The following UVSSA variants were observed in gnomAD, a reference collection of about 807,000 sequenced individuals.
UVSSA encodes the protein UV-stimulated scaffold protein A.
In UVSSA, 72 loss-of-function variants were observed where a neutral mutation model predicts 73.9. The ratio of observed to expected loss-of-function variants is 0.97; its 90% CI spans 0.81 to 1.19. The LOEUF (loss-of-function observed/expected upper bound fraction) is 1.19. UVSSA is among the 50% of genes most tolerant of loss of function. The pLI is 0.00. For synonymous variants in UVSSA, 454 were observed against 391.3 expected (o/e 1.16, Z -1.89); for missense variants, 1,150 against 965.0 (o/e 1.19, Z -2.54).
rs371317943 is a variant in UVSSA, at chr4:1,366,299, T to C, written c.1177-21T>C. ...TACACAGGGTCTGGGGGTTGATTTGTATTGGGGTGTTTTTCCACAGACAGA... is the reference window on the plus strand; with the variant it reads ...TACACAGGGTCTGGGGGTTGATTTGCATTGGGGTGTTTTTCCACAGACAGA... On this transcript the variant is annotated intron_variant, in intron 7 of 13. Transcript: ENST00000389851. 2.0e-5 allele frequency: 32 copies of C among 1,584,070 alleles called. No homozygotes were observed. In the African/African-American group the frequency reaches 4.3e-4, roughly 21 times the overall value.
intron 8 of UVSSA, among the ~76,000 whole-genome samples, chr4:1,374,096 G>A (rs924457143): frequency 6.6e-6 from 1 of 152,226 alleles, no homozygotes; most frequent in African/African-American, 2.4e-5. Context: ...GCCGGGGCCA[G>A]GACGCCTTGC....
In UVSSA at chr4:1,349,461, G is replaced by C. The variant is rs1162926802; in HGVS notation, c.99-63G>C. 6.0e-5 allele frequency: 91 copies of C among 1,523,662 alleles called. 1 individual carries two copies. In the South Asian group the frequency reaches 8.7e-4, roughly 15 times the overall value. 94.4% of individuals were successfully genotyped at this position (1,523,662 alleles called of 1,614,324 possible). ...CGTGCGTGCGGCATCCATGCACGGA[G>C]AGTCTCCCCCCGCCCATCCTCTGCG... On this transcript the variant is annotated intron_variant, in intron 2 of 13. Coordinates refer to ENST00000389851, the MANE Select transcript of UVSSA (RefSeq NM_020894.4).
rs1189987123 is a variant in UVSSA, at chr4:1,360,680, G to C, written c.1176+5435G>C. On this transcript the variant is annotated intron_variant, in intron 7 of 13. Transcript: ENST00000389851. ...GCAGGGTCCTTTCCCGCCCCCGTGA[G>C]CCGAGTGTGTGTGTGACTCACCAGA... Among the ~76,000 whole-genome samples, 5 of 152,244 alleles carry C rather than the reference G, an allele frequency of 3.3e-5. No individual in the cohort carries two copies. In the East Asian group the frequency reaches 9.7e-4, roughly 29 times the overall value.
chr4:1,347,098 C>A (rs1434877156), upstream of UVSSA, among the ~76,000 whole-genome samples: 1 of 151,806 alleles, frequency 6.6e-6, no homozygotes, highest in Non-Finnish European at 1.5e-5. Context: ...GTGCAGTCGT[C>A]GCTGTGGTGA....
In UVSSA at chr4:1,380,969, G is replaced by T. The variant is rs1189449375; in HGVS notation, c.1842G>T (p.Leu614=). 1 of 1,612,530 alleles carries T rather than the reference G, an allele frequency of 6.2e-7. No homozygotes were observed. Among genetic ancestry groups the T allele is most frequent in the Admixed American group, 1.7e-5 (1 of 59,986 alleles). ...EDRAREQRRQ[L]QKQERPEWQD... ...GGGCTCGTGAGCAGCGGCGGCAGCT[G>T]CAGAAGCAGGAGCGCCCGGGTAGGT... Residue 614 remains leucine (L), a synonymous_variant, in exon 12 of 14, where the codon CTG becomes CTT. Transcript: ENST00000389851.
intron 8 of UVSSA, among the ~76,000 whole-genome samples, chr4:1,374,393 C>T (rs375940424): frequency 1.3e-5 from 2 of 152,224 alleles, no homozygotes; most frequent in Non-Finnish European, 2.9e-5. Context: ...CCGTCAGGGT[C>T]GGGGTGAGCC....
intron 7 of UVSSA, among the ~76,000 whole-genome samples, chr4:1,361,365 A>G (rs1577322955): frequency 6.6e-6 from 1 of 152,254 alleles, no homozygotes. Context: ...GGCCCACAGC[A>G]CTGTGTTTTG....
intron 10 of UVSSA, among the ~76,000 whole-genome samples, chr4:1,378,678 G>C (rs1719067899): frequency 6.6e-6 from 1 of 152,190 alleles, no homozygotes; most frequent in South Asian, 2.1e-4. Context: ...TTCTCACTGC[G>C]ATCCACGGGG....
intron 8 of UVSSA, among the ~76,000 whole-genome samples, chr4:1,371,018 C>T (rs1717962648): frequency 6.6e-6 from 1 of 152,206 alleles, no homozygotes; most frequent in African/African-American, 2.4e-5. Flanking sequence ...TCCTCATTCT[C>T]CTCCCAGCTC....
intron 7 of UVSSA, 76 bp from the exon 8 acceptor site, chr4:1,366,244 C>T: frequency 8.4e-7 from 1 of 1,183,496 alleles, no homozygotes; most frequent in Non-Finnish European, 1.2e-6. Context: ...TAGGAATTTC[C>T]AGGGCTCTGC....
intron 4 of UVSSA, among the ~76,000 whole-genome samples, chr4:1,352,589 C>T (rs1714951900): frequency 6.6e-6 from 1 of 152,230 alleles, no homozygotes; most frequent in African/African-American, 2.4e-5. Context: ...GTGCTTGCTA[C>T]CCAGAGGTAC....
intron 4 of UVSSA, 72 bp from the exon 5 acceptor site, chr4:1,352,958 A>C: frequency 6.5e-7 from 1 of 1,536,356 alleles, no homozygotes; most frequent in Non-Finnish European, 8.8e-7. Context: ...TGGGCCTCTG[A>C]GTGTGGTTTT....
chr4:1,381,062 C>T (rs116880333), intron 12 of UVSSA, 74 bp downstream of exon 12: 1 of 1,411,166 alleles, frequency 7.1e-7, no homozygotes, highest in East Asian at 2.4e-5. Context: ...CGGGGTGTGT[C>T]TGCAGAGTCA....
Position 1,354,574 on chromosome 4 carries a change from T to G in UVSSA, c.935-161T>G, listed in dbSNP as rs1560433111. 1.8e-5 allele frequency: 11 copies of G among 621,804 alleles called. No homozygotes were observed. In the Admixed American group the frequency reaches 2.7e-4, roughly 15 times the overall value. The allele number at this position is 621,804 out of a possible 1,614,324, so 38.5% of individuals were successfully genotyped here. ...TTCTTTTCTAAGATAATAAAACACTTCCTTCTCACAGCATCAGGTTTGGGA... is the reference window on the plus strand; with the variant it reads ...TTCTTTTCTAAGATAATAAAACACTGCCTTCTCACAGCATCAGGTTTGGGA... On this transcript the variant is annotated intron_variant, in intron 5 of 13. Transcript: ENST00000389851.
chr4:1,370,397 G>A (rs1405233379), intron 8 of UVSSA, among the ~76,000 whole-genome samples: 1 of 152,248 alleles, frequency 6.6e-6, no homozygotes, highest in Non-Finnish European at 1.5e-5. Flanking sequence ...AGCAGGGGCT[G>A]CCCGGTGTCT....
chr4:1,388,818 G>T (rs1028020517), downstream of UVSSA: 1 of 152,194 alleles, frequency 6.6e-6, no homozygotes, highest in Non-Finnish European at 1.5e-5. Flanking sequence ...TGTTCATGGT[G>T]TATAATCCTT....
rs55644843 is a variant in UVSSA, at chr4:1,361,879, G to C, written c.1177-4441G>C. ...TTTTTTTTTTTTTTTTATAAAAAGG[G>C]AAACAGACACACATAAAACTGAACA... On this transcript the variant is annotated intron_variant, in intron 7 of 13. Coordinates refer to ENST00000389851, the MANE Select transcript of UVSSA (RefSeq NM_020894.4). Among the ~76,000 whole-genome samples, 1,372 of 150,858 alleles carry C rather than the reference G, an allele frequency of 9.1e-3. 8 individuals are homozygous for C. Among genetic ancestry groups the C allele is most frequent in the Non-Finnish European group, 0.016 (1,069 of 67,830 alleles).
Position 1,395,156 on chromosome 4 carries a change from G to C in UVSSA, c.*9195G>C. ...TGCCTGCCTGCTCACACGTGCCCAT[G>C]TGGAGTGTTCGCCTGCTCACACGTG... On this transcript the variant is annotated 3_prime_UTR_variant, in exon 14 of 14. Coordinates refer to the UVSSA transcript ENST00000511216. 2.3e-5 allele frequency: 28 copies of C among 1,233,036 alleles called. 7 individuals carry two copies. Among genetic ancestry groups the C allele is most frequent in the Middle Eastern group, 2.2e-4 (1 of 4,530 alleles). 76.4% of individuals were successfully genotyped at this position (1,233,036 alleles called of 1,614,324 possible).
upstream of UVSSA, among the ~76,000 whole-genome samples, chr4:1,345,147 G>A (rs1400225216): frequency 6.6e-6 from 1 of 152,208 alleles, no homozygotes; most frequent in Admixed American, 6.5e-5. Context: ...GCAAGGGAAA[G>A]ACAAGGTGAC....
Sources: allele counts gnomAD v4.1 joint callset (sites outside exome capture counted in the v4.1 genomes callset), GRCh38; gene constraint gnomAD v4.1.1; transcripts MANE v1.5; gene names NCBI Gene and HGNC (gene_info 2026-07-23, HGNC 2026-07-21).